The following AMOTL1 variants were observed in gnomAD, a reference collection of about 807,000 sequenced individuals.
The protein encoded by AMOTL1 is angiomotin-like protein 1.
AMOTL1 carries 45 observed loss-of-function variants against 102.9 expected under a neutral mutation model. The ratio of observed to expected loss-of-function variants is 0.44; its 90% confidence interval spans 0.34 to 0.56. The LOEUF (loss-of-function observed/expected upper bound fraction) is 0.56. Ranked by LOEUF, AMOTL1 falls within the 20% of genes least tolerant of loss-of-function variation. AMOTL1 has a pLI of 0.01. For synonymous variants in AMOTL1, 481 were observed against 484.7 expected, an observed-to-expected ratio of 0.99 and a Z score of 0.10; for missense variants, 1,114 against 1,225.6, an observed-to-expected ratio of 0.91 and a Z score of 1.36.
At chr11:94,776,270 C>T (rs1421734901) in intron 1 of AMOTL1, among the ~76,000 whole-genome samples, 2 of 152,242 alleles carry the variant, frequency 1.3e-5, no homozygotes, top group Non-Finnish European at 1.5e-5. Flanking sequence ...AGGTTCATCT[C>T]CTTGCCCACC....
chr11:94,847,144 C>G (rs189363548), intron 6 of AMOTL1, among the ~76,000 whole-genome samples: 10 of 152,234 alleles, frequency 6.6e-5, no homozygotes, highest in Admixed American at 4.6e-4. Flanking sequence ...ACCCCAGAAA[C>G]GAATGTAGCT....
Position 94,799,324 on chromosome 11 carries a change from C to T in AMOTL1, c.200-66C>T, listed in dbSNP as rs1951423920. 11 of 1,271,840 alleles carry T rather than the reference C, an allele frequency of 8.6e-6. No homozygotes were observed. The South Asian group carries it at 1.7e-4, about 19-fold the overall frequency. 78.8% of individuals were successfully genotyped at this position (1,271,840 alleles called of 1,614,324 possible). A position where few individuals can be genotyped will look rare whatever the true frequency, so the allele number is the denominator to read the frequency against. ...TAGTTAGAATGTTAATTATGTACCA[C>T]ATAGTCACAGACATATATCTCCTGT... is the stretch of plus-strand genomic sequence containing the variant. On this transcript the variant is annotated intron_variant, in intron 2 of 12. Coordinates refer to ENST00000433060, the MANE Select transcript of AMOTL1 (RefSeq NM_130847.3). This position sits in a 1 kb window ranked among gnomAD's most constrained non-coding sequence, Gnocchi z 4.5.
chr11:94,753,292 C>T (rs2135492067), intron 3 of AMOTL1, among the ~76,000 whole-genome samples: 1 of 149,410 alleles, frequency 6.7e-6, no homozygotes. Context: ...TATTCTCATC[C>T]TACTGCTTTC....
intron 4 of AMOTL1, among the ~76,000 whole-genome samples, chr11:94,827,954 T>TA (rs1951998125): frequency 6.6e-6 from 1 of 152,322 alleles, no homozygotes; most frequent in African/African-American, 2.4e-5. Flanking sequence ...TCTAATCTTC[T>TA]GTTTACCTCC....
At chr11:94,733,687 G>A (rs1301427732) in intron 2 of AMOTL1, among the ~76,000 whole-genome samples, 4 of 152,214 alleles carry the variant, frequency 2.6e-5, no homozygotes, top group Non-Finnish European at 4.4e-5. Context: ...TTATCCTACA[G>A]ATTTTGTTTT....
chr11:94,747,973 T>A (rs1263249411), intron 3 of AMOTL1, among the ~76,000 whole-genome samples: 2 of 152,174 alleles, frequency 1.3e-5, no homozygotes, highest in Non-Finnish European at 2.9e-5. Context: ...AAAAATGTAG[T>A]CTAGTTATAT....
intron 3 of AMOTL1, among the ~76,000 whole-genome samples, chr11:94,762,748 T>A (rs1284789820): frequency 6.6e-6 from 1 of 152,196 alleles, no homozygotes; most frequent in Non-Finnish European, 1.5e-5. Context: ...TTGGTACAGG[T>A]GCATTTTCTC....
rs1019816229 is a variant in AMOTL1, at chr11:94,875,049, A to G, written c.*4254A>G. 1 of 152,260 alleles carries G rather than the reference A, an allele frequency of 6.6e-6. No homozygotes were observed. The highest frequency in any genetic ancestry group is 2.4e-5 in the African/African-American group (1 of 41,484). 9.4% of individuals were successfully genotyped at this position (152,260 alleles called of 1,614,324 possible). A position where few individuals can be genotyped will look rare whatever the true frequency, so the allele number is the denominator to read the frequency against. On this transcript the variant is annotated 3_prime_UTR_variant, in exon 13 of 13. Coordinates refer to ENST00000433060, the MANE Select transcript of AMOTL1 (RefSeq NM_130847.3). ...GGCTTTAAGTAGCCAGAGAGTATCC[A>G]GCCTACCATTGGCTTCTCCACATCC...
intron 1 of AMOTL1, among the ~76,000 whole-genome samples, chr11:94,725,330 G>A (rs933678975): frequency 2.0e-5 from 3 of 152,108 alleles, no homozygotes; most frequent in African/African-American, 4.8e-5. Flanking sequence ...GTTTTGAGAT[G>A]GAGAAATTTC....
chr11:94,734,073 A>G (rs1186543294), intron 2 of AMOTL1, among the ~76,000 whole-genome samples: 2 of 152,132 alleles, frequency 1.3e-5, no homozygotes, highest in Non-Finnish European at 2.9e-5. Flanking sequence ...TGTTGATAGC[A>G]CCTCCTGCAT....
intron 2 of AMOTL1, among the ~76,000 whole-genome samples, chr11:94,733,418 C>T (rs1406328031): frequency 1.3e-5 from 2 of 152,232 alleles, no homozygotes; most frequent in Non-Finnish European, 2.9e-5. Context: ...CAGATTAGGA[C>T]ACTTATTAAA....
At chr11:94,816,232 G>T (rs368432170) in intron 3 of AMOTL1, among the ~76,000 whole-genome samples, 1 of 152,034 alleles carries the variant, frequency 6.6e-6, no homozygotes, top group Non-Finnish European at 1.5e-5. Flanking sequence ...TTTGGCTCCC[G>T]TAAGTTTTAT....
chr11:94,873,776 T>TACACACACACACACAC lies in AMOTL1; in HGVS notation c.*3003_*3018dup, dbSNP rs149500556. 40 of 142,562 alleles carry TACACACACACACACAC rather than the reference T, an allele frequency of 2.8e-4. No individual in the cohort carries two copies. Among genetic ancestry groups the TACACACACACACACAC allele is most frequent in the South Asian group, 1.8e-3 (8 of 4,426 alleles). The allele number at this position is 142,562 out of a possible 1,614,324, so 8.8% of individuals were successfully genotyped here. ...TGTGATGTGTGTGTGCACGTGTAACTACACACACACACACACACACACACA... is the reference window on the plus strand; with the variant it reads ...TGTGATGTGTGTGTGCACGTGTAACTACACACACACACACACACACACACACACACACACACACACA... On this transcript the variant is annotated 3_prime_UTR_variant, in exon 13 of 13. Coordinates refer to ENST00000433060, the MANE Select transcript of AMOTL1 (RefSeq NM_130847.3).
At chr11:94,776,512 C>A (rs1336066122) in intron 1 of AMOTL1, among the ~76,000 whole-genome samples, 2 of 152,366 alleles carry the variant, frequency 1.3e-5, no homozygotes, top group African/African-American at 2.4e-5. Flanking sequence ...CTTTCCTCCA[C>A]CCTTCTCAGA....
intron 3 of AMOTL1, among the ~76,000 whole-genome samples, chr11:94,757,961 A>G (rs1333083284): frequency 6.6e-6 from 1 of 152,150 alleles, no homozygotes; most frequent in Middle Eastern, 3.2e-3. Context: ...ACTTGGAAGG[A>G]TAAGACAGGA....
At chr11:94,774,323 A>G (rs1950994382) in intron 1 of AMOTL1, among the ~76,000 whole-genome samples, 1 of 152,208 alleles carries the variant, frequency 6.6e-6, no homozygotes, top group African/African-American at 2.4e-5. Flanking sequence ...TTGCTTCTAT[A>G]AAAGTATGAT....
At chr11:94,751,508 G>A (rs11824994) in intron 3 of AMOTL1, among the ~76,000 whole-genome samples, 20,526 of 151,954 alleles carry the variant, frequency 0.14, 3,033 homozygotes, top group African/African-American at 0.35. Flanking sequence ...ACAAAAGGAC[G>A]ATTCAGGGCA....
chr11:94,839,891 T>C (rs916934357), intron 6 of AMOTL1, among the ~76,000 whole-genome samples: 1 of 152,238 alleles, frequency 6.6e-6, no homozygotes, highest in East Asian at 1.9e-4. Context: ...CCCAGCGCTG[T>C]GACTTAATAC....
chr11:94,769,488 A>T (rs1200169185), intron 1 of AMOTL1, among the ~76,000 whole-genome samples: 1 of 152,196 alleles, frequency 6.6e-6, no homozygotes, highest in African/African-American at 2.4e-5. Flanking sequence ...TCAGAGCCCC[A>T]GGCCGAGAAT....
Sources: allele counts gnomAD v4.1 joint callset (sites outside exome capture counted in the v4.1 genomes callset), GRCh38; gene constraint gnomAD v4.1.1; non-coding constraint Gnocchi (gnomAD v3.1); transcripts MANE v1.5; gene names NCBI Gene and HGNC (gene_info 2026-07-23, HGNC 2026-07-21).